The following DRC8 variants were observed in gnomAD, a reference collection of about 807,000 sequenced individuals.
The protein encoded by DRC8 is dynein regulatory complex protein 8.
chr1:245,007,774 A>ATT, the DRC8 span, among the ~76,000 whole-genome samples: 81,820 of 151,578 alleles, frequency 0.54, 23,948 homozygotes, highest in East Asian at 0.75. Flanking sequence ...AGTCCCTGAG[A>ATT]TAGGTAAGCC....
the DRC8 span, among the ~76,000 whole-genome samples, chr1:245,108,796 C>T: frequency 6.6e-6 from 1 of 152,184 alleles, no homozygotes. Flanking sequence ...CGAGATGATT[C>T]CAGCCCTCAT....
chr1:245,070,738 T>C, the DRC8 span, among the ~76,000 whole-genome samples: 5 of 152,236 alleles, frequency 3.3e-5, no homozygotes, highest in African/African-American at 7.2e-5. Flanking sequence ...GCCATGTTTC[T>C]ATGATGCTGT....
At chr1:244,970,491 C>T in the DRC8 span, 2 of 1,520,694 alleles carry the variant, frequency 1.3e-6, no homozygotes, top group Non-Finnish European at 8.8e-7. Flanking sequence ...CCCGCCGCGA[C>T]CCCGGGCTGC....
chr1:245,115,603 C>A, the DRC8 span, among the ~76,000 whole-genome samples: 199 of 152,334 alleles, frequency 1.3e-3, no homozygotes, highest in Non-Finnish European at 2.3e-3. Context: ...TAAGTGCCTT[C>A]CTTGAGCATG....
the DRC8 span, among the ~76,000 whole-genome samples, chr1:245,117,744 G>A: frequency 9.2e-5 from 14 of 152,232 alleles, no homozygotes; most frequent in Non-Finnish European, 1.2e-4. Flanking sequence ...CAAGGCAAGC[G>A]GATCGCTTGA....
At chr1:245,018,612 T>C in the DRC8 span, among the ~76,000 whole-genome samples, 182 of 152,104 alleles carry the variant, frequency 1.2e-3, no homozygotes, top group African/African-American at 4.2e-3. Flanking sequence ...GAATGACAAG[T>C]GCCTTGACCT....
the DRC8 span, among the ~76,000 whole-genome samples, chr1:245,012,256 A>G: frequency 2.0e-5 from 3 of 152,076 alleles, no homozygotes; most frequent in Non-Finnish European, 4.4e-5. Flanking sequence ...ATTATAAATT[A>G]TAAGTTTTAC....
At chr1:245,059,221 C>A in the DRC8 span, among the ~76,000 whole-genome samples, 1 of 152,220 alleles carries the variant, frequency 6.6e-6, no homozygotes, top group African/African-American at 2.4e-5. Flanking sequence ...CTTTGGTTCA[C>A]TTATCCTCCT....
the DRC8 span, among the ~76,000 whole-genome samples, chr1:244,978,207 A>G: frequency 6.6e-6 from 1 of 152,120 alleles, no homozygotes; most frequent in East Asian, 1.9e-4. Context: ...AAGAGATGAG[A>G]TCTAGGCCGG....
chr1:244,969,926 A>G, the DRC8 span: 1 of 448,984 alleles, frequency 2.2e-6, no homozygotes, highest in African/African-American at 2.1e-5. Flanking sequence ...GGCTGGTTCT[A>G]TCACCCCCTT....
the DRC8 span, among the ~76,000 whole-genome samples, chr1:245,121,081 G>A: frequency 6.6e-6 from 1 of 152,148 alleles, no homozygotes; most frequent in Non-Finnish European, 1.5e-5. Context: ...CTTTAGTTTT[G>A]AAACCTTTGT....
At chr1:245,082,158 A>G in the DRC8 span, 1 of 1,610,882 alleles carries the variant, frequency 6.2e-7, no homozygotes, top group Non-Finnish European at 8.5e-7. Context: ...ACTACTAGAA[A>G]GAAAGTAAGT....
At chr1:245,112,807 G>T in the DRC8 span, among the ~76,000 whole-genome samples, 6 of 150,638 alleles carry the variant, frequency 4.0e-5, no homozygotes, top group East Asian at 1.2e-3. Context: ...AGGCTGGAGT[G>T]CAGTGGCACG....
the DRC8 span, among the ~76,000 whole-genome samples, chr1:245,037,458 A>G: frequency 1.3e-5 from 2 of 152,246 alleles, no homozygotes; most frequent in Admixed American, 6.5e-5. Flanking sequence ...TAAAGTAGAA[A>G]TTAAGGACAT....
the DRC8 span, among the ~76,000 whole-genome samples, chr1:245,090,017 A>C: frequency 2.0e-5 from 3 of 152,236 alleles, no homozygotes; most frequent in Admixed American, 2.0e-4. Flanking sequence ...GAAAGAGCCC[A>C]TGTAAGGATT....
chr1:245,122,988 C>T, the DRC8 span: 1 of 152,208 alleles, frequency 6.6e-6, no homozygotes, highest in African/African-American at 2.4e-5. Flanking sequence ...CACAATCATA[C>T]AATATGTGGC....
At chr1:245,030,181 T>C in the DRC8 span, among the ~76,000 whole-genome samples, 1 of 152,218 alleles carries the variant, frequency 6.6e-6, no homozygotes, top group African/African-American at 2.4e-5. Context: ...CTTTGAAATA[T>C]AGAATGGACA....
chr1:244,988,746 T>G, the DRC8 span, among the ~76,000 whole-genome samples: 1 of 152,226 alleles, frequency 6.6e-6, no homozygotes, highest in South Asian at 2.1e-4. Flanking sequence ...CTTACTTTCC[T>G]GAGATACTAG....
At chr1:245,049,528 A>G in the DRC8 span, among the ~76,000 whole-genome samples, 4 of 152,284 alleles carry the variant, frequency 2.6e-5, no homozygotes, top group South Asian at 2.1e-4. This position sits in a 1 kb window ranked among gnomAD's most constrained non-coding sequence, Gnocchi z 4.5. Context: ...TTCATACTGT[A>G]CTCATGACAT....
Sources: gnomAD v4.1 joint callset for allele counts (sites outside exome capture counted in the v4.1 genomes callset) on GRCh38, gnomAD v4.1.1 for gene constraint, Gnocchi (gnomAD v3.1) non-coding constraint, MANE v1.5 for transcripts, NCBI Gene and HGNC (gene_info 2026-07-23, HGNC 2026-07-21) for gene names.